LIN28B: variants seen among roughly 807,000 people sequenced by gnomAD.
LIN28B encodes the protein lin-28 RNA binding posttranscriptional regulator B.
Under a neutral mutation model 21.9 loss-of-function variants are expected in LIN28B, and 5 were observed. That is an observed-to-expected ratio of 0.23 (90% confidence interval 0.12 to 0.48). The LOEUF (loss-of-function observed/expected upper bound fraction) is 0.48, where lower values mean the gene tolerates loss of function less well. Among genes scored for constraint, LIN28B ranks in the 20% least tolerant of loss-of-function variants. The pLI is 0.98. For synonymous variants in LIN28B, 109 were observed against 111.3 expected (o/e 0.98, Z 0.13); for missense variants, 245 against 310.5 (o/e 0.79, Z 1.58).
At chr6:105,043,668 T>C (rs981407193) in intron 3 of LIN28B, among the ~76,000 whole-genome samples, 1 of 151,680 alleles carries the variant, frequency 6.6e-6, no homozygotes, top group South Asian at 2.1e-4. Context: ...CTGCAGCCTC[T>C]CTTCCTGGAT....
At chr6:104,956,118 T>G (rs1424528352), upstream of LIN28B, among the ~76,000 whole-genome samples, 1 of 152,082 alleles carries the variant, frequency 6.6e-6, no homozygotes, top group Non-Finnish European at 1.5e-5. Context: ...CTCCCACTTG[T>G]CCTTCTTTCT....
chr6:105,066,943 A>G (rs1192859430), intron 3 of LIN28B, among the ~76,000 whole-genome samples: 3 of 152,196 alleles, frequency 2.0e-5, no homozygotes, highest in Non-Finnish European at 4.4e-5. Flanking sequence ...AAAAATATTT[A>G]TAAGAGTTGA....
rs183033197 is a variant in LIN28B, at chr6:105,013,805, C to G, written c.199-12493C>G. 5.3e-5 allele frequency among the ~76,000 whole-genome samples: 8 copies of G among 151,718 alleles called. No homozygotes were observed. In the East Asian group the frequency reaches 9.7e-4, roughly 18 times the overall value. On this transcript the variant is annotated intron_variant, in intron 2 of 3. Transcript: ENST00000345080. ...TAATCTGATCTATTTTTTAAGCGAC[C>G]TTTTGTTCCTAGAGATGATCTACAT...
chr6:104,948,359 C>T (rs946124267), intron 2 of LIN28B, among the ~76,000 whole-genome samples: 6 of 151,710 alleles, frequency 4.0e-5, no homozygotes, highest in Non-Finnish European at 5.9e-5. Context: ...CCCAGCTACT[C>T]GGGAGGCCGA....
intron 3 of LIN28B, among the ~76,000 whole-genome samples, chr6:105,076,848 C>T (rs1460255426): frequency 1.3e-5 from 2 of 151,908 alleles, no homozygotes; most frequent in Non-Finnish European, 2.9e-5. Context: ...TCATAATCCG[C>T]CTGTCTCGGT....
rs116858357 is a variant in LIN28B, at chr6:105,043,880, G to A, written c.383+17398G>A. ...CTCCCAAAGTGCTGGGATTACAGGC[G>A]TGAGCCACTGGACCTGGCTCTTTGT... On this transcript the variant is annotated intron_variant, in intron 3 of 3. Transcript: ENST00000345080. 2.7e-3 allele frequency among the ~76,000 whole-genome samples: 406 copies of A among 152,160 alleles called. 3 individuals are homozygous for A. Among genetic ancestry groups the A allele is most frequent in the South Asian group, 5.4e-3 (26 of 4,814 alleles).
chr6:105,037,644 C>G (rs1771547939), intron 3 of LIN28B, among the ~76,000 whole-genome samples: 1 of 151,780 alleles, frequency 6.6e-6, no homozygotes, highest in African/African-American at 2.4e-5. Context: ...TCCCAAGCAG[C>G]TGGGACTACA....
rs897736173 is a variant in LIN28B, at chr6:104,972,434, C to T, written c.198+14148C>T. Reference sequence around the variant, plus strand: ...TGAAAGGGGAAAAGTTGAGGGTTTTCCCCTTTATACCTGTTTTCTTCCTTC... The same window carrying T: ...TGAAAGGGGAAAAGTTGAGGGTTTTTCCCTTTATACCTGTTTTCTTCCTTC... On this transcript the variant is annotated intron_variant, in intron 2 of 3. Transcript: ENST00000345080. Among the ~76,000 whole-genome samples, 3 of 152,170 alleles carry T rather than the reference C, an allele frequency of 2.0e-5. No individual in the cohort carries two copies. In the East Asian group the frequency reaches 5.8e-4, roughly 29 times the overall value.
chr6:104,960,779 A>G (rs979823464), intron 2 of LIN28B, among the ~76,000 whole-genome samples: 2 of 152,196 alleles, frequency 1.3e-5, no homozygotes, highest in Non-Finnish European at 2.9e-5. Context: ...AAACATATTC[A>G]GTTGCTTCAA....
At chr6:105,047,725 G>T (rs1283548814) in intron 3 of LIN28B, among the ~76,000 whole-genome samples, 1 of 152,098 alleles carries the variant, frequency 6.6e-6, no homozygotes, top group Non-Finnish European at 1.5e-5. Context: ...CCTTGAAGAG[G>T]TCCTTCACAT....
chr6:105,070,150 C>A (rs1772303635), intron 3 of LIN28B, among the ~76,000 whole-genome samples: 1 of 152,150 alleles, frequency 6.6e-6, no homozygotes, highest in Non-Finnish European at 1.5e-5. Flanking sequence ...CAAGTAGCTG[C>A]ACATCACCAT....
intron 2 of LIN28B, among the ~76,000 whole-genome samples, chr6:105,007,487 C>T (rs1770841164): frequency 6.6e-6 from 1 of 150,520 alleles, no homozygotes; most frequent in Non-Finnish European, 1.5e-5. Context: ...TTTAAATGTT[C>T]TTTCTTTGTT....
At position 105,082,505 on chromosome 6, in the gene LIN28B, A is replaced by AAT. The variant is rs908914786; in HGVS notation, c.*3729_*3730dup. 6.6e-6 allele frequency: 1 copy of AAT among 152,646 alleles called. No homozygotes were observed. Among genetic ancestry groups the AAT allele is most frequent in the South Asian group, 2.1e-4 (1 of 4,834 alleles). The allele number at this position is 152,646 out of a possible 1,614,324, so 9.5% of individuals were successfully genotyped here. A position where few individuals can be genotyped will look rare whatever the true frequency, so the allele number is the denominator to read the frequency against. ...TTTCTCTAAGAAATGTTTATCATAA[A>AAT]ATATATATGTGTATTTCCCCTTTGG... On this transcript the variant is annotated 3_prime_UTR_variant, in exon 4 of 4. Coordinates refer to ENST00000345080, the MANE Select transcript of LIN28B (RefSeq NM_001004317.4).
chr6:105,005,640 A>G (rs1481009185), intron 2 of LIN28B, among the ~76,000 whole-genome samples: 3 of 152,084 alleles, frequency 2.0e-5, no homozygotes, highest in Non-Finnish European at 4.4e-5. Context: ...CCATGTGAAG[A>G]AAGTGTTTGC....
intron 2 of LIN28B, among the ~76,000 whole-genome samples, chr6:104,994,990 A>G (rs557878882): frequency 2.0e-5 from 3 of 152,322 alleles, no homozygotes; most frequent in African/African-American, 7.2e-5. Flanking sequence ...AAAATTTTTG[A>G]GCACCAACTT....
intron 2 of LIN28B, among the ~76,000 whole-genome samples, chr6:104,969,421 T>C (rs2114587462): frequency 6.6e-6 from 1 of 152,240 alleles, no homozygotes; most frequent in East Asian, 1.9e-4. Flanking sequence ...AAGCCTGCTT[T>C]CTGCTCTGGG....
intron 3 of LIN28B, among the ~76,000 whole-genome samples, chr6:105,036,283 C>G (rs972718672): frequency 2.6e-5 from 4 of 152,064 alleles, no homozygotes; most frequent in Non-Finnish European, 5.9e-5. Context: ...GGCAGAGGCT[C>G]GAGTTGAATA....
chr6:104,979,383 T>A (rs1053479682), intron 2 of LIN28B, among the ~76,000 whole-genome samples: 4 of 152,062 alleles, frequency 2.6e-5, no homozygotes, highest in African/African-American at 9.7e-5. Flanking sequence ...AATTTTTGTA[T>A]TTTTAGTAGA....
chr6:104,959,306 A>T (rs1769670983), intron 2 of LIN28B, among the ~76,000 whole-genome samples: 1 of 152,196 alleles, frequency 6.6e-6, no homozygotes, highest in South Asian at 2.1e-4. Flanking sequence ...AAAAGAATTG[A>T]ATGAAAGGCT....
Sources: allele counts gnomAD v4.1 joint callset (sites outside exome capture counted in the v4.1 genomes callset), GRCh38; gene constraint gnomAD v4.1.1; transcripts MANE v1.5; gene names NCBI Gene and HGNC (gene_info 2026-07-23, HGNC 2026-07-21).